LRRC37A2: variants seen among roughly 807,000 people sequenced by gnomAD.
The protein encoded by LRRC37A2 is leucine-rich repeat-containing protein 37A2.
LRRC37A2 carries 9 observed loss-of-function variants against 68.8 expected under a neutral mutation model. The observed-to-expected ratio is 0.13, with a 90% CI of 0.08 to 0.23. The LOEUF (loss-of-function observed/expected upper bound fraction) is 0.23. Ranked by LOEUF, LRRC37A2 falls within the 10% of genes least tolerant of loss-of-function variation. LRRC37A2 has a pLI of 1.00. For synonymous variants in LRRC37A2, 63 were observed against 367.6 expected, an observed-to-expected ratio of 0.17 and a Z score of 9.48; for missense variants, 168 against 950.4, an observed-to-expected ratio of 0.18 and a Z score of 10.82.
chr17:46,896,007 A>G, the LRRC37A2 span, among the ~76,000 whole-genome samples: 8 of 152,098 alleles, frequency 5.3e-5, no homozygotes, highest in Non-Finnish European at 7.4e-5. Flanking sequence ...GGCTGGGCGC[A>G]GTGGCTCATG....
the LRRC37A2 span, among the ~76,000 whole-genome samples, chr17:46,752,600 C>T: frequency 7.9e-5 from 12 of 152,234 alleles, no homozygotes; most frequent in African/African-American, 2.2e-4. Flanking sequence ...GGACTACCAG[C>T]GTGTGCTACC....
the LRRC37A2 span, among the ~76,000 whole-genome samples, chr17:46,815,136 G>A: frequency 4.6e-5 from 7 of 152,106 alleles, no homozygotes; most frequent in African/African-American, 1.7e-4. Flanking sequence ...AGCAGGTGCT[G>A]GGCTAGGCCC....
chr17:46,876,220 C>A, the LRRC37A2 span: 1 of 1,572,014 alleles, frequency 6.4e-7, no homozygotes, highest in Admixed American at 1.7e-5. Context: ...CCTCTGACCA[C>A]GCCTCTGTTC....
At chr17:46,741,994 T>C in the LRRC37A2 span, among the ~76,000 whole-genome samples, 2 of 152,326 alleles carry the variant, frequency 1.3e-5, no homozygotes, top group African/African-American at 2.4e-5. Context: ...GACCTCGTGA[T>C]CCACCCGCCT....
At chr17:46,979,386 G>C in the LRRC37A2 span, 51 of 166,854 alleles carry the variant, frequency 3.1e-4, no homozygotes, top group African/African-American at 1.2e-3. Context: ...CCTCCCCGGA[G>C]TCCCGGTGCT....
chr17:46,873,986 C>T, the LRRC37A2 span, among the ~76,000 whole-genome samples: 1 of 142,616 alleles, frequency 7.0e-6, no homozygotes, highest in African/African-American at 2.7e-5. Flanking sequence ...GAGACTCTGT[C>T]TCAAAAAAAA....
the LRRC37A2 span, among the ~76,000 whole-genome samples, chr17:46,797,283 C>T: frequency 6.6e-6 from 1 of 152,162 alleles, no homozygotes; most frequent in Non-Finnish European, 1.5e-5. Flanking sequence ...CAAGAGCTGT[C>T]TGGAAAAGCT....
At chr17:46,944,880 A>G in the LRRC37A2 span, among the ~76,000 whole-genome samples, 1 of 152,148 alleles carries the variant, frequency 6.6e-6, no homozygotes, top group Non-Finnish European at 1.5e-5. Flanking sequence ...GATTACTGGC[A>G]TAAGCCACCG....
At chr17:46,881,570 C>T in the LRRC37A2 span, among the ~76,000 whole-genome samples, 4 of 152,184 alleles carry the variant, frequency 2.6e-5, no homozygotes, top group African/African-American at 7.2e-5. Context: ...CTCTACCATA[C>T]ACCATCCTCA....
At chr17:46,739,167 C>T in the LRRC37A2 span, among the ~76,000 whole-genome samples, 152 of 152,130 alleles carry the variant, frequency 1.0e-3, 1 homozygote, top group East Asian at 9.7e-4. Flanking sequence ...GTCAGGAGTT[C>T]GAGACCAGCC....
the LRRC37A2 span, among the ~76,000 whole-genome samples, chr17:47,002,017 G>A: frequency 6.6e-6 from 1 of 152,138 alleles, no homozygotes; most frequent in Non-Finnish European, 1.5e-5. Flanking sequence ...GGGATTACGG[G>A]TGTGAGCCAC....
the LRRC37A2 span, among the ~76,000 whole-genome samples, chr17:46,771,632 T>G: frequency 1.4e-5 from 2 of 144,676 alleles, no homozygotes; most frequent in Non-Finnish European, 3.1e-5. Flanking sequence ...ACCCGCATAA[T>G]GCGGCCGCCG....
At chr17:46,782,389 C>G in the LRRC37A2 span, among the ~76,000 whole-genome samples, 1 of 152,148 alleles carries the variant, frequency 6.6e-6, no homozygotes, top group African/African-American at 2.4e-5. Flanking sequence ...CTGTCAACCC[C>G]ACAACAGGCC....
At chr17:46,956,141 C>T in the LRRC37A2 span, among the ~76,000 whole-genome samples, 1 of 152,106 alleles carries the variant, frequency 6.6e-6, no homozygotes, top group Non-Finnish European at 1.5e-5. Flanking sequence ...AGGGAAAAAC[C>T]GATTCACAGC....
the LRRC37A2 span, among the ~76,000 whole-genome samples, chr17:46,961,102 A>G: frequency 1.3e-5 from 2 of 152,226 alleles, no homozygotes; most frequent in East Asian, 3.8e-4. Flanking sequence ...ATTAGAATGT[A>G]AACATTTAAA....
At chr17:47,029,513 A>G in the LRRC37A2 span, among the ~76,000 whole-genome samples, 1 of 152,180 alleles carries the variant, frequency 6.6e-6, no homozygotes, top group Non-Finnish European at 1.5e-5. Flanking sequence ...ATCTAGTTTC[A>G]CACAGTTCAC....
chr17:46,800,257 C>T, the LRRC37A2 span, among the ~76,000 whole-genome samples: 1 of 152,110 alleles, frequency 6.6e-6, no homozygotes, highest in Non-Finnish European at 1.5e-5. Flanking sequence ...ATTACAGCTG[C>T]CCACCACCAC....
the LRRC37A2 span, chr17:46,851,650 G>A: frequency 3.5e-4 from 442 of 1,265,492 alleles, no homozygotes; most frequent in Non-Finnish European, 4.3e-4. This position sits in a 1 kb window ranked among gnomAD's most constrained non-coding sequence, Gnocchi z 4.3. Context: ...TGCGCCCCCC[G>A]CCCGCGCTGG....
At chr17:46,982,991 G>C in the LRRC37A2 span, among the ~76,000 whole-genome samples, 1 of 152,170 alleles carries the variant, frequency 6.6e-6, no homozygotes, top group South Asian at 2.1e-4. Context: ...TAATTGGTTA[G>C]GGGAGCATAT....
Sources: gnomAD v4.1 joint callset for allele counts (sites outside exome capture counted in the v4.1 genomes callset) on GRCh38, gnomAD v4.1.1 for gene constraint, Gnocchi (gnomAD v3.1) non-coding constraint, MANE v1.5 for transcripts, NCBI Gene and HGNC (gene_info 2026-07-23, HGNC 2026-07-21) for gene names.